NECAB2: variants seen among roughly 807,000 people sequenced by gnomAD.
NECAB2 encodes the protein N-terminal EF-hand calcium-binding protein 2.
NECAB2 carries 68 observed loss-of-function variants against 51.9 expected under a neutral mutation model. That is an observed-to-expected ratio of 1.31 (90% CI 1.08 to 1.60). The LOEUF is 1.60. Ranked by LOEUF, NECAB2 falls within the 40% of genes most tolerant of loss-of-function variation. The pLI, the probability that NECAB2 is intolerant of heterozygous loss-of-function variation, is 0.00. For missense variants in NECAB2, 854 were observed against 490.3 expected (o/e 1.74, Z -7.00); for synonymous variants, 329 against 203.5 (o/e 1.62, Z -5.25).
rs367561573 is a variant in NECAB2, at chr16:84,000,871, A to C, written c.1040+70A>C. ...GTGGGGGGGCTGTCTTCCTGGAGCC[A>C]GGCATCCTTGGAGGGGAGGGTAAGG... On this transcript the variant is annotated intron_variant, in intron 11 of 12. Transcript: ENST00000305202. 2.1e-4 allele frequency: 324 copies of C among 1,507,306 alleles called. 1 individual carries two copies. The African/African-American group carries it at 3.7e-3, about 17-fold the overall frequency. 93.4% of individuals were successfully genotyped at this position (1,507,306 alleles called of 1,614,324 possible).
At chr16:83,966,084 C>A (rs2084277271), upstream of NECAB2, 1 of 1,201,074 alleles carries the variant, frequency 8.3e-7, no homozygotes, top group Non-Finnish European at 1.1e-6. Context: ...CAGGACCCGT[C>A]CAAAGATGCC....
At chr16:83,988,730 T>C (rs1447930430) in intron 5 of NECAB2, among the ~76,000 whole-genome samples, 7 of 152,188 alleles carry the variant, frequency 4.6e-5, no homozygotes, top group Non-Finnish European at 1.5e-5. Flanking sequence ...CTCCCAGTTG[T>C]TCTACAAATG....
At position 83,990,623 on chromosome 16, in the gene NECAB2, C is replaced by T. The variant is rs749491181; in HGVS notation, c.589C>T (p.Gln197Ter). The T allele has an allele frequency of 1.2e-6, 2 of 1,614,060 alleles. No individual in the cohort carries two copies. The highest frequency in any genetic ancestry group is 1.7e-6 in the Non-Finnish European group (2 of 1,180,012). The change falls in exon 6 of 13, where the codon CAG (glutamine) becomes TAG (stop). Residue 197 changes from glutamine to a stop codon, truncating the protein, a stop_gained. Coordinates refer to ENST00000305202, the MANE Select transcript of NECAB2 (RefSeq NM_019065.3). LOFTEE classifies it high-confidence loss of function. ...AVEAIEEQTSQLRQNHIKPSH... is the reference protein window; with the variant it reads ...AVEAIEEQTS ...GGAGGCCATCGAGGAACAGACCAGC[C>T]AGCTCCGGTGAGTCTCTGAGACCCT...
upstream of NECAB2, among the ~76,000 whole-genome samples, chr16:83,966,867 AGCAGT>A (rs2084286480): frequency 6.6e-6 from 1 of 152,188 alleles, no homozygotes; most frequent in Admixed American, 6.5e-5. Flanking sequence ...ACCTTTTCAT[AGCAGT>A]GCAGTTTTTT....
chr16:83,995,075 C>T (rs572439370), intron 8 of NECAB2, among the ~76,000 whole-genome samples: 15 of 152,238 alleles, frequency 9.9e-5, no homozygotes, highest in South Asian at 6.2e-4. Flanking sequence ...GAAAGAGAGA[C>T]GTGATGATTC....
At chr16:83,980,772 G>C (rs1454814263) in intron 3 of NECAB2, 67 bp from the exon 4 acceptor site, 2 of 1,527,514 alleles carry the variant, frequency 1.3e-6, no homozygotes, top group African/African-American at 1.4e-5. Flanking sequence ...TTCGCAGGCT[G>C]TGCAGGGTCA....
At chr16:83,991,700 G>A (rs1447153955) in intron 6 of NECAB2, among the ~76,000 whole-genome samples, 2 of 151,944 alleles carry the variant, frequency 1.3e-5, no homozygotes, top group Non-Finnish European at 2.9e-5. Flanking sequence ...CCAGGCTGGA[G>A]TACAGTGGCA....
At chr16:83,977,053 A>T (rs1441940698) in intron 2 of NECAB2, among the ~76,000 whole-genome samples, 3 of 152,222 alleles carry the variant, frequency 2.0e-5, no homozygotes, top group Non-Finnish European at 4.4e-5. Context: ...CTTTCAACAC[A>T]TGTGCACTGA....
chr16:84,001,979 A>T, intron 12 of NECAB2, 63 bp downstream of exon 12: 2 of 1,543,270 alleles, frequency 1.3e-6, no homozygotes, highest in East Asian at 2.3e-5. Flanking sequence ...AAGAGCCTAG[A>T]GGCTGCCCCA....
At chr16:83,999,045 A>G in intron 10 of NECAB2, among the ~76,000 whole-genome samples, 1 of 152,262 alleles carries the variant, frequency 6.6e-6, no homozygotes, top group African/African-American at 2.4e-5. Flanking sequence ...CCCAGAGCAC[A>G]CACTCATTCA....
chr16:84,001,357 A>C (rs1218328743), intron 11 of NECAB2, among the ~76,000 whole-genome samples: 1 of 151,934 alleles, frequency 6.6e-6, no homozygotes, highest in African/African-American at 2.4e-5. Context: ...CCATGCCCCC[A>C]TCTCCTGCTT....
upstream of NECAB2, among the ~76,000 whole-genome samples, chr16:83,968,182 C>T (rs1317513517): frequency 6.6e-6 from 1 of 151,320 alleles, no homozygotes; most frequent in Non-Finnish European, 1.5e-5. Flanking sequence ...GCGTGGGCGC[C>T]GCTCCCCGGG....
chr16:83,984,488 C>T lies in NECAB2; in HGVS notation c.459+3361C>T, dbSNP rs141736324. ...CTGTAATTCCAGCACTTTGGGAGGC[C>T]GAGGCGGGAGGATCGCTTGAGCCCA... On this transcript the variant is annotated intron_variant, in intron 5 of 12. Transcript: ENST00000305202. 4.0e-4 allele frequency among the ~76,000 whole-genome samples: 61 copies of T among 151,982 alleles called. No individual in the cohort carries two copies. The East Asian group carries it at 9.9e-3, about 25-fold the overall frequency.
chr16:84,000,115 C>T (rs890777708), intron 10 of NECAB2, among the ~76,000 whole-genome samples: 1 of 151,800 alleles, frequency 6.6e-6, no homozygotes, highest in Admixed American at 6.6e-5. Context: ...TGGTCTTGAA[C>T]TCCTGACCTC....
At chr16:83,965,870 A>C (rs747213810), upstream of NECAB2, 22 of 1,612,688 alleles carry the variant, frequency 1.4e-5, no homozygotes, top group Non-Finnish European at 4.2e-6. Context: ...GGACCCCTTC[A>C]CCTACCAGAG....
chr16:83,996,736 G>A (rs144182760), intron 8 of NECAB2, among the ~76,000 whole-genome samples: 480 of 152,284 alleles, frequency 3.2e-3, no homozygotes, highest in Non-Finnish European at 4.9e-3. Context: ...AGTCGTGGGC[G>A]AACAGAGCAG....
At position 84,001,894 on chromosome 16, in the gene NECAB2, CCT is replaced by C; in HGVS notation, c.1114_1115del (p.Ser372GlnfsTer32). 1.2e-6 allele frequency: 2 copies of C among 1,613,978 alleles called. No individual in the cohort carries two copies. The highest frequency in any genetic ancestry group is 1.7e-6 in the Non-Finnish European group (2 of 1,179,900). On this transcript the variant is annotated frameshift_variant, in exon 12 of 13. Coordinates refer to ENST00000305202, the MANE Select transcript of NECAB2 (RefSeq NM_019065.3). LOFTEE classifies it high-confidence loss of function. ...TGGACACACTGAGCCAGCCTGAGGC[CCT>C]CTCCAGGATCTTGGTGCCAGGTAGG... ...KVDTLSQPEALSRILVPAAWC... is the reference protein window; with the variant it reads ...KVDTLSQPEAXSRILVPAAWC...
intron 7 of NECAB2, 55 bp from the exon 8 acceptor site, chr16:83,994,554 C>A (rs911371953): frequency 1.2e-6 from 2 of 1,608,716 alleles, no homozygotes; most frequent in South Asian, 1.1e-5. Context: ...AGCTTCCCCC[C>A]GAAGCCCTCG....
At position 84,002,637 on chromosome 16, in the gene NECAB2, C is replaced by T. The variant is rs2084861883; in HGVS notation, c.*291C>T. On this transcript the variant is annotated 3_prime_UTR_variant, in exon 13 of 13. Transcript: ENST00000305202. Reference sequence around the variant, plus strand: ...GCCTCTCCCCTACCCCTCACATGGCCACGCATGACCCACACTGACCACACC... The same window carrying T: ...GCCTCTCCCCTACCCCTCACATGGCTACGCATGACCCACACTGACCACACC... 1.9e-6 allele frequency: 1 copy of T among 532,304 alleles called. No individual in the cohort carries two copies. The highest frequency in any genetic ancestry group is 3.4e-6 in the Non-Finnish European group (1 of 295,180). The allele number at this position is 532,304 out of a possible 1,614,324, so 33.0% of individuals were successfully genotyped here.
Sources: gnomAD v4.1 joint callset for allele counts (sites outside exome capture counted in the v4.1 genomes callset) on GRCh38, gnomAD v4.1.1 for gene constraint, MANE v1.5 for transcripts, NCBI Gene and HGNC (gene_info 2026-07-23, HGNC 2026-07-21) for gene names.